Variants in MYO6 observed in about 807,000 individuals in gnomAD.
MYO6 encodes the protein unconventional myosin-VI.
Under a neutral mutation model 178.7 loss-of-function variants are expected in MYO6, and 74 were observed. The observed-to-expected ratio is 0.41, with a 90% confidence interval of 0.34 to 0.50. The LOEUF (loss-of-function observed/expected upper bound fraction) is 0.50. Ranked by LOEUF, MYO6 falls within the 20% of genes least tolerant of loss-of-function variation. The probability of loss-of-function intolerance (pLI) is 0.09; values close to 1 mark genes in which losing one functional copy is unlikely to be tolerated. For missense variants in MYO6, 1,330 were observed against 1,547.4 expected (o/e 0.86, Z 2.36); for synonymous variants, 477 against 504.6 (o/e 0.95, Z 0.73).
rs557295130 is a variant in MYO6 at position 75,906,424 on chromosome 6, C to T, written c.3177-1181C>T. On this transcript the variant is annotated intron_variant, in intron 30 of 34. Coordinates refer to ENST00000369977, the MANE Select transcript of MYO6 (RefSeq NM_004999.4). ...GGTGTGGTGGCTCACGCCTGTAATC[C>T]CAGCACTTTGGGAGGCTGAGGTGGG... 4.1e-3 allele frequency among the ~76,000 whole-genome samples: 619 copies of T among 152,134 alleles called. 6 individuals carry two copies. The highest frequency in any genetic ancestry group is 0.014 in the African/African-American group (591 of 41,482).
At chr6:75,898,982 A>C (rs1335193282) in intron 30 of MYO6, among the ~76,000 whole-genome samples, 1 of 152,224 alleles carries the variant, frequency 6.6e-6, no homozygotes, top group African/African-American at 2.4e-5. Context: ...AAAAGTGTTA[A>C]TATATTAACA....
intron 32 of MYO6, among the ~76,000 whole-genome samples, chr6:75,910,912 AATG>A (rs1349993668): frequency 4.6e-5 from 7 of 152,210 alleles, no homozygotes; most frequent in African/African-American, 1.7e-4. Flanking sequence ...GAGAAAATAA[AATG>A]ATGACAACTT....
intron 34 of MYO6, 28 bp from the exon 35 acceptor site, chr6:75,914,785 G>T (rs1781024057): frequency 1.2e-6 from 2 of 1,606,956 alleles, no homozygotes; most frequent in African/African-American, 1.3e-5. Flanking sequence ...GAGAGAGATG[G>T]TAATTTTCTG....
At chr6:75,831,889 CAA>C (rs199741161) in intron 5 of MYO6, among the ~76,000 whole-genome samples, 71 of 95,024 alleles carry the variant, frequency 7.5e-4, no homozygotes, top group Admixed American at 9.3e-4. Context: ...TACCCTGTCT[CAA>C]AAAAAAAAAA....
At chr6:75,791,878 A>T (rs971405929) in intron 1 of MYO6, among the ~76,000 whole-genome samples, 1 of 152,168 alleles carries the variant, frequency 6.6e-6, no homozygotes, top group African/African-American at 2.4e-5. Flanking sequence ...TTTTTTTGGA[A>T]CAGAAAATTG....
At chr6:75,828,437 A>G (rs770145024) in intron 3 of MYO6, 103 bp from the exon 4 acceptor site, 3 of 754,716 alleles carry the variant, frequency 4.0e-6, no homozygotes, top group East Asian at 2.5e-5. Context: ...TAACCTAACA[A>G]TTGATTTTTA....
At chr6:75,808,811 C>T (rs552197496) in intron 1 of MYO6, among the ~76,000 whole-genome samples, 56 of 152,256 alleles carry the variant, frequency 3.7e-4, no homozygotes, top group African/African-American at 1.3e-3. Context: ...CATGAGACAT[C>T]AATTAATTTC....
rs9447572 is a variant in MYO6 at position 75,894,825 on chromosome 6, A to G, written c.3108-406A>G. The G allele has an allele frequency of 3.7e-3, 5,581 of 1,522,280 alleles. 175 individuals carry two copies. In the African/African-American group the frequency reaches 0.067, roughly 18 times the overall value. 94.3% of individuals were successfully genotyped at this position (1,522,280 alleles called of 1,614,324 possible). A position where few individuals can be genotyped will look rare whatever the true frequency, so the allele number is the denominator to read the frequency against. On this transcript the variant is annotated intron_variant, in intron 28 of 34. Coordinates refer to ENST00000369977, the MANE Select transcript of MYO6 (RefSeq NM_004999.4). Reference sequence around the variant, plus strand: ...AGTTACTTTTCCAGCTTGGATTCCTATCCGGTAACTTCTAAGTAAGAATTG... The same window carrying G: ...AGTTACTTTTCCAGCTTGGATTCCTGTCCGGTAACTTCTAAGTAAGAATTG...
At chr6:75,901,647 A>G (rs1434630812) in intron 30 of MYO6, among the ~76,000 whole-genome samples, 1 of 152,096 alleles carries the variant, frequency 6.6e-6, no homozygotes, top group Non-Finnish European at 1.5e-5. Flanking sequence ...GGTTTTCTAG[A>G]TATACAATCA....
intron 30 of MYO6, among the ~76,000 whole-genome samples, chr6:75,904,986 G>A (rs1008800908): frequency 6.6e-6 from 1 of 152,178 alleles, no homozygotes; most frequent in African/African-American, 2.4e-5. Context: ...GTACCCGGCC[G>A]TGTGAGGTGT....
Position 75,866,737 on chromosome 6 carries a change from A to G in MYO6, c.1770+116A>G. ...TTCACGTGGTTATTTAAATTAAGTA[A>G]AATTACAAGTTCAATTCCTCAGTAC... On this transcript the variant is annotated intron_variant, in intron 17 of 34. Coordinates refer to ENST00000369977, the MANE Select transcript of MYO6 (RefSeq NM_004999.4). The G allele has an allele frequency of 3.5e-6, 4 of 1,151,088 alleles. 1 individual carries two copies. The South Asian group carries it at 3.9e-5, about 11-fold the overall frequency. The allele number at this position is 1,151,088 out of a possible 1,614,324, so 71.3% of individuals were successfully genotyped here. A position where few individuals can be genotyped will look rare whatever the true frequency, so the allele number is the denominator to read the frequency against.
intron 20 of MYO6, among the ~76,000 whole-genome samples, chr6:75,875,561 A>G (rs1388190390): frequency 6.6e-6 from 1 of 152,222 alleles, no homozygotes; most frequent in Non-Finnish European, 1.5e-5. Flanking sequence ...TGATGGGATT[A>G]TAGGCATGAG....
chr6:75,848,833 A>G (rs939939857), intron 11 of MYO6, among the ~76,000 whole-genome samples: 3 of 152,114 alleles, frequency 2.0e-5, no homozygotes, highest in African/African-American at 7.2e-5. Flanking sequence ...TTCCAGTTAT[A>G]TTACACTTTT....
intron 30 of MYO6, among the ~76,000 whole-genome samples, chr6:75,902,831 T>C (rs1432722877): frequency 6.6e-6 from 1 of 151,670 alleles, no homozygotes; most frequent in Non-Finnish European, 1.5e-5. Flanking sequence ...GTGTCAATTT[T>C]GGATCTTTCC....
intron 19 of MYO6, 82 bp downstream of exon 19, chr6:75,870,767 CCT>C: frequency 9.2e-7 from 1 of 1,084,776 alleles, no homozygotes; most frequent in East Asian, 2.4e-5. Flanking sequence ...GCATAGTAAC[CCT>C]GTACTAATTA....
chr6:75,853,357 TTTTTC>T (rs1775450302), intron 11 of MYO6, among the ~76,000 whole-genome samples: 1 of 152,170 alleles, frequency 6.6e-6, no homozygotes, highest in African/African-American at 2.4e-5. Context: ...ATTTATCTGT[TTTTTC>T]TTTTATTGCT....
At chr6:75,805,287 G>A (rs368405975) in intron 1 of MYO6, among the ~76,000 whole-genome samples, 8 of 151,952 alleles carry the variant, frequency 5.3e-5, no homozygotes, top group East Asian at 1.9e-4. Flanking sequence ...TTACAGGTGC[G>A]AGCCACAGTG....
At chr6:75,791,557 T>G (rs760280984) in intron 1 of MYO6, among the ~76,000 whole-genome samples, 3 of 152,210 alleles carry the variant, frequency 2.0e-5, no homozygotes, top group Non-Finnish European at 2.9e-5. Context: ...AAAACAAAGA[T>G]TCTGCTATAT....
chr6:75,908,631 AAG>A lies in MYO6; in HGVS notation c.3412+8_3412+9del. 1 of 1,613,252 alleles carries A rather than the reference AAG, an allele frequency of 6.2e-7. No homozygotes were observed. The highest frequency in any genetic ancestry group is 8.5e-7 in the Non-Finnish European group (1 of 1,179,390). ...CCAAAGTCTGTTACTGATTATGGTA[AAG>A]AGAAATCTGTACTTTTGAACGTTTT... is the stretch of plus-strand genomic sequence containing the variant. On this transcript the variant is annotated splice_donor_5th_base_variant and intron_variant, in intron 32 of 34. Coordinates refer to ENST00000369977, the MANE Select transcript of MYO6 (RefSeq NM_004999.4).
Sources: allele counts gnomAD v4.1 joint callset (sites outside exome capture counted in the v4.1 genomes callset), GRCh38; gene constraint gnomAD v4.1.1; transcripts MANE v1.5; gene names NCBI Gene and HGNC (gene_info 2026-07-23, HGNC 2026-07-21).